The following RGS21 variants were observed in gnomAD, a reference collection of about 807,000 sequenced individuals.
RGS21 encodes regulator of G-protein signalling 21.
RGS21 carries 19 observed loss-of-function variants against 18.7 expected under a neutral mutation model. The observed-to-expected ratio is 1.01, with a 90% CI of 0.71 to 1.49. The LOEUF (loss-of-function observed/expected upper bound fraction) is 1.49, where lower values mean the gene tolerates loss of function less well. Among genes scored for constraint, RGS21 ranks in the 40% most tolerant of loss-of-function variants. The probability of loss-of-function intolerance (pLI) is 0.00; values close to 1 mark genes in which losing one functional copy is unlikely to be tolerated. For missense variants in RGS21, 194 were observed against 176.8 expected, an observed-to-expected ratio of 1.10 and a Z score of -0.55; for synonymous variants, 56 against 57.8, an observed-to-expected ratio of 0.97 and a Z score of 0.14.
At chr1:192,351,955 C>T in intron 3 of RGS21, 92 bp from the exon 4 acceptor site, 2 of 643,076 alleles carry the variant, frequency 3.1e-6, no homozygotes, top group Non-Finnish European at 2.5e-6. Context: ...ACTGAATATC[C>T]AGTAAATGCT....
At chr1:192,353,498 G>GAT (rs1219158392) in intron 4 of RGS21, among the ~76,000 whole-genome samples, 22 of 151,852 alleles carry the variant, frequency 1.4e-4, no homozygotes, top group African/African-American at 5.1e-4. Context: ...TAACCCTAAA[G>GAT]ATATCCTACT....
At chr1:192,328,815 G>A (rs1243981565) in intron 1 of RGS21, among the ~76,000 whole-genome samples, 2 of 152,200 alleles carry the variant, frequency 1.3e-5, no homozygotes, top group African/African-American at 4.8e-5. Context: ...AAGTTTAATA[G>A]AGGATTGGTT....
intron 1 of RGS21, among the ~76,000 whole-genome samples, chr1:192,335,972 ATTTTT>A (rs1658760328): frequency 1.3e-5 from 2 of 152,174 alleles, no homozygotes; most frequent in Non-Finnish European, 2.9e-5. Context: ...CAACAAAAAA[ATTTTT>A]TAGTTGCTGT....
At chr1:192,337,766 T>A (rs985787065) in intron 1 of RGS21, among the ~76,000 whole-genome samples, 1 of 152,144 alleles carries the variant, frequency 6.6e-6, no homozygotes, top group Admixed American at 6.6e-5. Flanking sequence ...ATTTAAACAT[T>A]CTCTACCTCC....
At chr1:192,319,536 C>G (rs1244951832) in intron 1 of RGS21, among the ~76,000 whole-genome samples, 1 of 151,980 alleles carries the variant, frequency 6.6e-6, no homozygotes, top group Non-Finnish European at 1.5e-5. Context: ...ATCAAGCAAC[C>G]TTACCTCCAT....
At chr1:192,364,806 C>G (rs148711893) in intron 4 of RGS21, among the ~76,000 whole-genome samples, 2 of 152,134 alleles carry the variant, frequency 1.3e-5, no homozygotes, top group Admixed American at 1.3e-4. Context: ...GATACAGAAC[C>G]CGCCTATGGT....
intron 1 of RGS21, among the ~76,000 whole-genome samples, chr1:192,319,380 T>A (rs965259712): frequency 6.6e-6 from 1 of 152,168 alleles, no homozygotes; most frequent in Admixed American, 6.6e-5. Context: ...TGTGTGTACA[T>A]ATATATAATT....
At chr1:192,365,310 A>G (rs945913742) in intron 4 of RGS21, among the ~76,000 whole-genome samples, 3 of 152,116 alleles carry the variant, frequency 2.0e-5, no homozygotes, top group African/African-American at 7.2e-5. Context: ...GTGTGTTTCA[A>G]TATAATAGAT....
chr1:192,343,943 C>T (rs1658909849), intron 2 of RGS21, among the ~76,000 whole-genome samples: 1 of 152,018 alleles, frequency 6.6e-6, no homozygotes, highest in Non-Finnish European at 1.5e-5. Flanking sequence ...AGTTTAAAAT[C>T]AACCATCCTC....
intron 4 of RGS21, among the ~76,000 whole-genome samples, chr1:192,360,877 C>T (rs1380506729): frequency 3.3e-5 from 5 of 152,046 alleles, no homozygotes; most frequent in African/African-American, 9.7e-5. Flanking sequence ...CTTAGGGACG[C>T]AATTTTTTTC....
At chr1:192,350,407 T>C (rs1390199982) in intron 3 of RGS21, among the ~76,000 whole-genome samples, 1 of 152,196 alleles carries the variant, frequency 6.6e-6, no homozygotes, top group Non-Finnish European at 1.5e-5. Flanking sequence ...CCTCTTTTCA[T>C]TCACTTTTCT....
chr1:192,341,765 C>T (rs1162936852), intron 1 of RGS21, among the ~76,000 whole-genome samples: 4 of 142,540 alleles, frequency 2.8e-5, no homozygotes, highest in Non-Finnish European at 1.5e-5. Context: ...TTGCATGGTT[C>T]TTTTTTTTTT....
Position 192,340,917 on chromosome 1 carries a change from C to T in RGS21, c.-60-2060C>T, listed in dbSNP as rs1658849771. Among the ~76,000 whole-genome samples, 3 of 152,148 alleles carry T rather than the reference C, an allele frequency of 2.0e-5. No homozygotes were observed. In the South Asian group the frequency reaches 6.2e-4, roughly 32 times the overall value. On this transcript the variant is annotated intron_variant, in intron 1 of 4. Coordinates refer to ENST00000417209, the MANE Select transcript of RGS21 (RefSeq NM_001039152.3). The stretch of plus-strand genomic sequence containing the variant: ...CAATTATCTCCCTCCAGGTACCTCC[C>T]ACAATACGTGAGAATTATGGGAGCT...
chr1:192,340,053 C>G (rs1222048310), intron 1 of RGS21, among the ~76,000 whole-genome samples: 3 of 152,060 alleles, frequency 2.0e-5, no homozygotes, highest in Non-Finnish European at 4.4e-5. Context: ...CACACATACT[C>G]TCATCATGTT....
At position 192,366,616 on chromosome 1, in the gene RGS21, T is replaced by C. The variant is rs1659263898; in HGVS notation, c.*492T>C. ...TTTCTAATAATGTGGTTATGAAAAC[T>C]GCTACGCCTCTCAAATTATATTTTT... On this transcript the variant is annotated 3_prime_UTR_variant, in exon 5 of 5. Coordinates refer to ENST00000417209, the MANE Select transcript of RGS21 (RefSeq NM_001039152.3). The C allele has an allele frequency of 6.6e-6, 1 of 152,640 alleles. No individual in the cohort carries two copies. Among genetic ancestry groups the C allele is most frequent in the African/African-American group, 2.4e-5 (1 of 41,466 alleles). The allele number at this position is 152,640 out of a possible 1,614,324, so 9.5% of individuals were successfully genotyped here.
intron 1 of RGS21, among the ~76,000 whole-genome samples, chr1:192,321,853 T>C (rs987932267): frequency 2.6e-5 from 4 of 152,138 alleles, no homozygotes; most frequent in Middle Eastern, 6.8e-3. Flanking sequence ...TAGGTCCTTA[T>C]ATTAGAATTG....
chr1:192,333,671 C>T (rs1285015202), intron 1 of RGS21, among the ~76,000 whole-genome samples: 3 of 143,664 alleles, frequency 2.1e-5, no homozygotes, highest in Non-Finnish European at 4.5e-5. Flanking sequence ...TGAGTGGTTT[C>T]CAGGGGTTAG....
At chr1:192,329,353 C>G (rs944513121) in intron 1 of RGS21, among the ~76,000 whole-genome samples, 8 of 151,984 alleles carry the variant, frequency 5.3e-5, no homozygotes, top group Admixed American at 4.6e-4. Flanking sequence ...TTTTGCTTCC[C>G]TAGGCCATTT....
At chr1:192,325,901 T>C (rs770468238) in intron 1 of RGS21, among the ~76,000 whole-genome samples, 6 of 152,104 alleles carry the variant, frequency 3.9e-5, no homozygotes, top group African/African-American at 1.4e-4. Context: ...CTTGTGATAC[T>C]AATAAAATTT....
Sources: allele counts gnomAD v4.1 joint callset (sites outside exome capture counted in the v4.1 genomes callset), GRCh38; gene constraint gnomAD v4.1.1; transcripts MANE v1.5; gene names NCBI Gene and HGNC (gene_info 2026-07-23, HGNC 2026-07-21).